The following PCDHA9 variants were observed in gnomAD, a reference collection of about 807,000 sequenced individuals.
PCDHA9 encodes protocadherin alpha-9.
PCDHA9 carries 62 observed loss-of-function variants against 62.0 expected under a neutral mutation model. That is an observed-to-expected ratio of 1.00 (90% CI 0.81 to 1.23). The LOEUF is 1.23. Ranked by LOEUF, PCDHA9 falls within the 50% of genes most tolerant of loss-of-function variation. The probability of loss-of-function intolerance (pLI) is 0.00; values close to 1 mark genes in which losing one functional copy is unlikely to be tolerated. For missense variants in PCDHA9, 1,205 were observed against 1,249.8 expected (o/e 0.96, Z 0.54); for synonymous variants, 557 against 567.6 (o/e 0.98, Z 0.27).
At chr5:140,959,624 AAAAG>A (rs2095502972) in intron 1 of PCDHA9, among the ~76,000 whole-genome samples, 1 of 152,220 alleles carries the variant, frequency 6.6e-6, no homozygotes, top group Non-Finnish European at 1.5e-5. Context: ...GTGATAGAAA[AAAAG>A]AGAGAAAAAA....
intron 1 of PCDHA9, among the ~76,000 whole-genome samples, chr5:140,945,889 A>G (rs2093857848): frequency 6.6e-6 from 1 of 152,074 alleles, no homozygotes; most frequent in African/African-American, 2.4e-5. Flanking sequence ...CAAAGAAAAC[A>G]CAGTGGGAAA....
chr5:140,964,216 T>C (rs1267795511), intron 1 of PCDHA9, among the ~76,000 whole-genome samples: 1 of 152,214 alleles, frequency 6.6e-6, no homozygotes, highest in Non-Finnish European at 1.5e-5. Context: ...TAGTACAATG[T>C]CTTTCAAAAT....
chr5:140,868,853 G>C, intron 1 of PCDHA9: 1 of 466,576 alleles, frequency 2.1e-6, no homozygotes, highest in Non-Finnish European at 3.6e-6. Flanking sequence ...AAATTCTGTG[G>C]TGGTAAATGC....
At chr5:140,963,659 A>G (rs1474288889) in intron 1 of PCDHA9, among the ~76,000 whole-genome samples, 3 of 152,222 alleles carry the variant, frequency 2.0e-5, no homozygotes. Context: ...TTGATTTCCT[A>G]TATGGCATAG....
chr5:141,010,403 G>T lies in PCDHA9; in HGVS notation c.*466G>T. ...ATATTGGCTGAGACGAGCCAGCTTA[G>T]ACTAATTGGTACAAGGAAGGCAAGA... On this transcript the variant is annotated 3_prime_UTR_variant, in exon 4 of 4. Transcript: ENST00000532602. 2 of 1,285,614 alleles carry T rather than the reference G, an allele frequency of 1.6e-6. No individual in the cohort carries two copies. Among genetic ancestry groups the T allele is most frequent in the Non-Finnish European group, 2.1e-6 (2 of 956,000 alleles). The allele number at this position is 1,285,614 out of a possible 1,614,324, so 79.6% of individuals were successfully genotyped here. A position where few individuals can be genotyped will look rare whatever the true frequency, so the allele number is the denominator to read the frequency against.
chr5:140,954,638 T>C (rs1297767818), intron 1 of PCDHA9, among the ~76,000 whole-genome samples: 2 of 152,212 alleles, frequency 1.3e-5, no homozygotes, highest in Non-Finnish European at 2.9e-5. Flanking sequence ...TTCTTGTAAA[T>C]TTGTTTAAGT....
intron 3 of PCDHA9, among the ~76,000 whole-genome samples, chr5:140,987,875 G>A (rs1293461683): frequency 6.6e-6 from 1 of 152,008 alleles, no homozygotes; most frequent in Non-Finnish European, 1.5e-5. Flanking sequence ...GTGGAAAATG[G>A]ACAGTTTATG....
chr5:140,922,162 A>G (rs2080680842), intron 1 of PCDHA9, among the ~76,000 whole-genome samples: 1 of 146,764 alleles, frequency 6.8e-6, no homozygotes, highest in African/African-American at 2.5e-5. Flanking sequence ...AAAAACAACA[A>G]AAAGTACAGC....
At chr5:140,899,222 A>T (rs1377710696) in intron 1 of PCDHA9, among the ~76,000 whole-genome samples, 2 of 152,012 alleles carry the variant, frequency 1.3e-5, no homozygotes, top group Non-Finnish European at 2.9e-5. Context: ...AACTTCCAAC[A>T]CTATGTTGAA....
chr5:141,009,760 A>G lies in PCDHA9; in HGVS notation c.2676A>G (p.Gly892=), dbSNP rs782167920. The change falls in exon 4 of 4, where the codon GGA becomes GGG. Residue 892 remains glycine, a synonymous_variant. Coordinates refer to ENST00000532602, the MANE Select transcript of PCDHA9 (RefSeq NM_031857.2). ...GELPDKFIIP[G]SPAIISIRQE... ...TGCCCGACAAATTCATTATCCCAGGATCTCCTGCAATCATCTCCATCCGGC... is the reference window on the plus strand; with the variant it reads ...TGCCCGACAAATTCATTATCCCAGGGTCTCCTGCAATCATCTCCATCCGGC... 6.2e-7 allele frequency: 1 copy of G among 1,614,130 alleles called. No homozygotes were observed. Among genetic ancestry groups the G allele is most frequent in the Non-Finnish European group, 8.5e-7 (1 of 1,180,026 alleles).
intron 1 of PCDHA9, chr5:140,877,395 C>T (rs375548936): frequency 4.3e-6 from 7 of 1,613,958 alleles, no homozygotes; most frequent in Middle Eastern, 1.6e-4. Flanking sequence ...ATGAGGCGGA[C>T]GCTCCGCGCC....
rs782025005 is a variant in PCDHA9 at position 140,982,513 on chromosome 5, G to C, written c.2492G>C (p.Gly831Ala). 83 of 1,614,076 alleles carry C rather than the reference G, an allele frequency of 5.1e-5. No homozygotes were observed. The highest frequency in any genetic ancestry group is 6.4e-5 in the Non-Finnish European group (75 of 1,180,040). ...GAGGAGGCTGGCATTCTACGGGCTG[G>C]TCCAGGAGGGCCTGATCAGCAGTGG... The part of the protein sequence containing the change: ...HLEEAGILRA[G>A]PGGPDQQWPT... The change falls in exon 3 of 4, where the codon GGT becomes GCT. Residue 831 changes from glycine (G) to alanine (A), a missense_variant. Transcript: ENST00000532602.
In PCDHA9 at chr5:140,850,308, G is replaced by C; in HGVS notation, c.1813G>C (p.Ala605Pro). ...RAVDADSGYN[A>P]WLSYELQPET... ...AGTGGACGCCGACTCGGGCTACAAC[G>C]CGTGGCTTTCATACGAGCTGCAGCC... Residue 605 changes from alanine to proline, a missense_variant, in exon 1 of 4, where the codon GCG becomes CCG. Transcript: ENST00000532602. 1 of 1,597,160 alleles carries C rather than the reference G, an allele frequency of 6.3e-7. No individual in the cohort carries two copies. The highest frequency in any genetic ancestry group is 8.6e-7 in the Non-Finnish European group (1 of 1,167,692).
chr5:140,969,274 TG>T, intron 1 of PCDHA9: 1 of 1,614,158 alleles, frequency 6.2e-7, no homozygotes, highest in Non-Finnish European at 8.5e-7. Flanking sequence ...CAGGCCAAAG[TG>T]GTCAGAATGC....
chr5:140,849,767 G>A lies in PCDHA9; in HGVS notation c.1272G>A (p.Val424=), dbSNP rs1373587941. The A allele has an allele frequency of 6.3e-7, 1 of 1,598,498 alleles. No homozygotes were observed. The highest frequency in any genetic ancestry group is 8.6e-7 in the Non-Finnish European group (1 of 1,167,984). ...DRESVSAYEL[V]VTARDGGSPS... is the part of the protein sequence containing the mutation. Reference sequence around the variant, plus strand: ...AGAGTGTGTCCGCCTACGAGCTGGTGGTTACCGCGCGGGACGGGGGCTCGC... The same window carrying A: ...AGAGTGTGTCCGCCTACGAGCTGGTAGTTACCGCGCGGGACGGGGGCTCGC... The change falls in exon 1 of 4, where the codon GTG becomes GTA. Residue 424 remains valine (V), a synonymous_variant. Transcript: ENST00000532602.
At chr5:140,968,467 A>G (rs2153771249) in intron 1 of PCDHA9, 1 of 1,614,124 alleles carries the variant, frequency 6.2e-7, no homozygotes, top group Non-Finnish European at 8.5e-7. Flanking sequence ...CTGCCAACGT[A>G]TATGTGGTGG....
In PCDHA9 at chr5:140,876,678, G is replaced by C. The variant is rs782561315; in HGVS notation, c.2394+25789G>C. ...CCTTCAAGCTGGTGTCCACCTACAA[G>C]AATTACTACTCGTTGGTGCTGGACA... On this transcript the variant is annotated intron_variant, in intron 1 of 3. Coordinates refer to ENST00000532602, the MANE Select transcript of PCDHA9 (RefSeq NM_031857.2). The C allele has an allele frequency of 1.9e-6, 3 of 1,614,100 alleles. No individual in the cohort carries two copies. In the East Asian group the frequency reaches 6.7e-5, roughly 36 times the overall value.
chr5:141,007,437 A>G (rs913587541), intron 3 of PCDHA9, among the ~76,000 whole-genome samples: 2 of 150,734 alleles, frequency 1.3e-5, no homozygotes, highest in Non-Finnish European at 2.9e-5. Context: ...GCATGGTGGC[A>G]TGTGCCTGTA....
chr5:140,971,488 A>C (rs17119328), intron 1 of PCDHA9, among the ~76,000 whole-genome samples: 9,487 of 152,206 alleles, frequency 0.062, 310 homozygotes, highest in African/African-American at 0.074. Flanking sequence ...ACATTGTTAC[A>C]GTGTGGCAAG....
Sources: gnomAD v4.1 joint callset for allele counts (sites outside exome capture counted in the v4.1 genomes callset) on GRCh38, gnomAD v4.1.1 for gene constraint, MANE v1.5 for transcripts, NCBI Gene and HGNC (gene_info 2026-07-23, HGNC 2026-07-21) for gene names.